KIF20B: variants seen among roughly 807,000 people sequenced by gnomAD.
KIF20B encodes kinesin-like protein KIF20B.
In KIF20B, 188 loss-of-function variants were observed where a neutral mutation model predicts 232.5. That is an observed-to-expected ratio of 0.81 (90% CI 0.72 to 0.91). KIF20B has a LOEUF of 0.91. Among genes scored for constraint, KIF20B ranks in the 40% least tolerant of loss-of-function variants. KIF20B has a pLI of 0.00. For missense variants in KIF20B, 2,154 were observed against 2,055.9 expected, an observed-to-expected ratio of 1.05 and a Z score of -0.92; for synonymous variants, 712 against 683.0, an observed-to-expected ratio of 1.04 and a Z score of -0.66.
intron 19 of KIF20B, among the ~76,000 whole-genome samples, chr10:89,733,477 A>G (rs1040226679): frequency 2.6e-5 from 4 of 152,284 alleles, no homozygotes; most frequent in Admixed American, 2.0e-4. Flanking sequence ...AATGTATTCA[A>G]GCTGTATTTG....
chr10:89,726,578 T>A, intron 16 of KIF20B, 57 bp downstream of exon 16: 2 of 1,380,694 alleles, frequency 1.4e-6, no homozygotes, highest in Non-Finnish European at 1.9e-6. Context: ...AAAGTACTCT[T>A]GGTAAGTATA....
rs1419426176 is a variant in KIF20B at position 89,737,744 on chromosome 10, T to C, written c.2903T>C (p.Ile968Thr). The change falls in exon 20 of 33, where the codon ATA becomes ACA. Residue 968 changes from isoleucine to threonine, a missense_variant. Coordinates refer to ENST00000371728, the MANE Select transcript of KIF20B (RefSeq NM_001284259.2). ...AAGATCATGAAATTGTCAAATGAGA[T>C]AGAAACTGCTACAAGAAGCATTACA... ...EEKIMKLSNE[I>T]ETATRSITNN... is the part of the protein sequence containing the mutation. 6.2e-7 allele frequency: 1 copy of C among 1,612,156 alleles called. No homozygotes were observed. The highest frequency in any genetic ancestry group is 1.3e-5 in the African/African-American group (1 of 74,844).
chr10:89,759,994 G>A (rs1842204475), intron 27 of KIF20B, among the ~76,000 whole-genome samples: 1 of 152,080 alleles, frequency 6.6e-6, no homozygotes, highest in African/African-American at 2.4e-5. Context: ...GAAAATAGGA[G>A]GAAGAATGTG....
At chr10:89,758,643 A>G (rs1255551122) in intron 26 of KIF20B, 63 bp from the exon 27 acceptor site, 6 of 1,182,908 alleles carry the variant, frequency 5.1e-6, no homozygotes, top group Non-Finnish European at 6.8e-6. Context: ...AATAATTTCT[A>G]AACATTCTTA....
intron 32 of KIF20B, among the ~76,000 whole-genome samples, chr10:89,773,108 T>C (rs552403771): frequency 6.6e-6 from 1 of 152,166 alleles, no homozygotes; most frequent in Middle Eastern, 3.4e-3. Context: ...CCACAATCTT[T>C]TTTTCTTTTT....
chr10:89,717,254 G>A (rs1254932439), intron 9 of KIF20B, among the ~76,000 whole-genome samples, 170 bp from the exon 10 acceptor site: 2 of 152,188 alleles, frequency 1.3e-5, no homozygotes, highest in Non-Finnish European at 2.9e-5. Context: ...ATTTGGGTAT[G>A]TAAGTGACAG....
chr10:89,712,957 G>A (rs1319203801), intron 6 of KIF20B, among the ~76,000 whole-genome samples: 2 of 152,124 alleles, frequency 1.3e-5, no homozygotes, highest in Non-Finnish European at 2.9e-5. Flanking sequence ...TCAAAGTTGA[G>A]TCTGTGACTA....
At chr10:89,759,117 T>A (rs1201335172) in intron 27 of KIF20B, among the ~76,000 whole-genome samples, 2 of 152,028 alleles carry the variant, frequency 1.3e-5, no homozygotes, top group Non-Finnish European at 2.9e-5. Flanking sequence ...TCTCAGTAAT[T>A]AGAAAATATT....
chr10:89,725,059 T>C lies in KIF20B; in HGVS notation c.1902T>C (p.Asn634=), dbSNP rs918858606. The C allele has an allele frequency of 5.0e-6, 8 of 1,613,664 alleles. No individual in the cohort carries two copies. Among genetic ancestry groups the C allele is most frequent in the Non-Finnish European group, 6.8e-6 (8 of 1,179,796 alleles). The change falls in exon 15 of 33, where the codon AAT becomes AAC. Residue 634 remains asparagine, a synonymous_variant. Coordinates refer to ENST00000371728, the MANE Select transcript of KIF20B (RefSeq NM_001284259.2). ...AAGAACGAGAGATATTAGAAGAAAATGCTGAACGTCGTTTGGCTATCTTCA... is the reference window on the plus strand; with the variant it reads ...AAGAACGAGAGATATTAGAAGAAAACGCTGAACGTCGTTTGGCTATCTTCA... ...LLQEREILEE[N]AERRLAIFKD...
chr10:89,717,821 G>A, intron 11 of KIF20B, 99 bp downstream of exon 11: 1 of 721,206 alleles, frequency 1.4e-6, no homozygotes. Context: ...TTTTTAAACT[G>A]CTTCTTATGT....
chr10:89,739,200 C>A, intron 21 of KIF20B, 104 bp downstream of exon 21: 2 of 1,244,542 alleles, frequency 1.6e-6, no homozygotes, highest in Non-Finnish European at 2.2e-6. Context: ...CATTTATCCA[C>A]TTTATAATTT....
chr10:89,738,563 A>C lies in KIF20B; in HGVS notation c.3722A>C (p.His1241Pro), dbSNP rs376561901. The C allele has an allele frequency of 1.1e-4, 169 of 1,569,648 alleles. No individual in the cohort carries two copies. The East Asian group carries it at 2.6e-3, about 24-fold the overall frequency. Reference sequence around the variant, plus strand: ...ACAAATAATTTGCAAGATATGAAACATTTACTTCAATTAAAAGAAGAAGAA... The same window carrying C: ...ACAAATAATTTGCAAGATATGAAACCTTTACTTCAATTAAAAGAAGAAGAA... ...QLTNNLQDMK[H>P]LLQLKEEEEE... Residue 1241 changes from histidine (H) to proline (P), a missense_variant, in exon 20 of 33, where the codon CAT (histidine) becomes CCT (proline). Physicochemically the swap from His to Pro is moderately conservative, Grantham distance 77 (BLOSUM62 -2). Coordinates refer to ENST00000371728, the MANE Select transcript of KIF20B (RefSeq NM_001284259.2).
At chr10:89,755,695 G>C (rs903396801) in intron 26 of KIF20B, among the ~76,000 whole-genome samples, 18 of 152,066 alleles carry the variant, frequency 1.2e-4, no homozygotes, top group Non-Finnish European at 8.8e-5. Flanking sequence ...CAGGGCAAAA[G>C]CAATCTTTCC....
rs191115830 is a variant in KIF20B at position 89,753,113 on chromosome 10, A to G, written c.4347+422A>G. The stretch of plus-strand genomic sequence containing the variant: ...AATAGAATTGTATATCTGAACACAT[A>G]TAAAACTATACTATATAGAAGGTAT... On this transcript the variant is annotated intron_variant, in intron 25 of 32. Transcript: ENST00000371728. 3.2e-3 allele frequency among the ~76,000 whole-genome samples: 483 copies of G among 152,332 alleles called. 4 individuals are homozygous for G. Among genetic ancestry groups the G allele is most frequent in the African/African-American group, 0.011 (450 of 41,578 alleles).
rs553169925 is a variant in KIF20B at position 89,718,754 on chromosome 10, A to G, written c.1316A>G (p.Tyr439Cys). 4 of 1,610,392 alleles carry G rather than the reference A, an allele frequency of 2.5e-6. No homozygotes were observed. The highest frequency in any genetic ancestry group is 4.5e-5 in the East Asian group (2 of 44,686). Reference sequence around the variant, plus strand: ...TTCCGGGAAAGTAAACTGACTCACTATTTTCAAAGTTTTTTTAATGGTAAA... The same window carrying G: ...TTCCGGGAAAGTAAACTGACTCACTGTTTTCAAAGTTTTTTTAATGGTAAA... ...VPFRESKLTH[Y>C]FQSFFNGKGK... The change falls in exon 12 of 33, where the codon TAT becomes TGT. Residue 439 changes from tyrosine (Y) to cysteine (C), a missense_variant. Transcript: ENST00000371728.
rs1286710895 is a variant in KIF20B at position 89,757,038 on chromosome 10, G to GTATATATATA, written c.4504-1667_4504-1666insATATATATAT. Among the ~76,000 whole-genome samples the GTATATATATA allele has an allele frequency of 1.2e-3, 95 of 79,056 alleles. 1 individual carries two copies. Among genetic ancestry groups the GTATATATATA allele is most frequent in the African/African-American group, 2.9e-3 (71 of 24,330 alleles). The allele number at this position is 79,056 out of a possible 152,430, so 51.9% of individuals were successfully genotyped here. On this transcript the variant is annotated intron_variant, in intron 26 of 32. Transcript: ENST00000371728. ...ATATCTCTGTTGTGTGTGTGTGTGTGTGTATATATATATATATATATATAT... is the reference window on the plus strand; with the variant it reads ...ATATCTCTGTTGTGTGTGTGTGTGTGTATATATATATGTATATATATATATATATATATAT...
intron 14 of KIF20B, 97 bp from the exon 15 acceptor site, chr10:89,724,923 C>T: frequency 8.1e-7 from 1 of 1,234,110 alleles, no homozygotes; most frequent in Middle Eastern, 2.0e-4. Flanking sequence ...ACTAAATTTT[C>T]TTTTAATCTA....
At chr10:89,704,703 C>T (rs886439482) in intron 1 of KIF20B, among the ~76,000 whole-genome samples, 7 of 152,064 alleles carry the variant, frequency 4.6e-5, no homozygotes, top group South Asian at 2.1e-4. Context: ...TTACAGGTGC[C>T]TGGCACCACG....
chr10:89,752,431 TAGCCTC>T (rs368877486), intron 24 of KIF20B, 130 bp from the exon 25 acceptor site: 1 of 516,790 alleles, frequency 1.9e-6, no homozygotes, highest in South Asian at 3.1e-5. Flanking sequence ...AACTATAGAA[TAGCCTC>T]AGTTCCATCT....
Sources: gnomAD v4.1 joint callset for allele counts (sites outside exome capture counted in the v4.1 genomes callset) on GRCh38, gnomAD v4.1.1 for gene constraint, MANE v1.5 for transcripts, NCBI Gene and HGNC (gene_info 2026-07-23, HGNC 2026-07-21) for gene names.